Variants in TVP23C observed in about 807,000 individuals in gnomAD.
The protein encoded by TVP23C is Golgi apparatus membrane protein TVP23 homolog C.
TVP23C carries 19 observed loss-of-function variants against 28.7 expected under a neutral mutation model. That is an observed-to-expected ratio of 0.66 (90% CI 0.46 to 0.97). TVP23C has a LOEUF of 0.97. Ranked by LOEUF, TVP23C falls within the 50% of genes least tolerant of loss-of-function variation. The probability of loss-of-function intolerance (pLI) is 0.00; values close to 1 mark genes in which losing one functional copy is unlikely to be tolerated. For synonymous variants in TVP23C, 68 were observed against 81.7 expected (o/e 0.83, Z 0.90); for missense variants, 186 against 241.3 (o/e 0.77, Z 1.52).
At chr17:15,502,580 G>T in exon 6 of TVP23C, 1 of 396,576 alleles carries the variant, frequency 2.5e-6, no homozygotes, top group Non-Finnish European at 4.4e-6. Flanking sequence ...GGGCCGCATG[G>T]CCCTGCCCCA....
downstream of TVP23C, among the ~76,000 whole-genome samples, chr17:15,536,247 C>A (rs534535975): frequency 8.5e-5 from 13 of 152,252 alleles, no homozygotes; most frequent in South Asian, 2.5e-3. Context: ...AGATGGGATT[C>A]AGACAGTATC....
chr17:15,548,882 A>C (rs138695314), intron 3 of TVP23C, among the ~76,000 whole-genome samples: 1 of 152,210 alleles, frequency 6.6e-6, no homozygotes, highest in Non-Finnish European at 1.5e-5. Context: ...AAATAAAAAT[A>C]GAACAATTAT....
chr17:15,506,343 G>C (rs553344322), intron 5 of TVP23C, among the ~76,000 whole-genome samples: 82 of 152,132 alleles, frequency 5.4e-4, no homozygotes, highest in African/African-American at 1.9e-3. Context: ...AGCACCCTGT[G>C]TCTAGCTCAG....
intron 5 of TVP23C, among the ~76,000 whole-genome samples, chr17:15,543,005 C>G (rs2150850547): frequency 6.6e-6 from 1 of 152,276 alleles, no homozygotes; most frequent in South Asian, 2.1e-4. Context: ...AAAGACTGGG[C>G]TCACTCTCTT....
At chr17:15,502,732 T>TTC (rs1567627239) in exon 6 of TVP23C, 7 of 827,088 alleles carry the variant, frequency 8.5e-6, no homozygotes, top group African/African-American at 2.2e-5. Context: ...CTCTCTCTCT[T>TTC]TCTCTCTCCT....
At chr17:15,536,718 T>C (rs1295455831), downstream of TVP23C, among the ~76,000 whole-genome samples, 1 of 151,122 alleles carries the variant, frequency 6.6e-6, no homozygotes, top group Admixed American at 6.6e-5. Flanking sequence ...AAAATGTCTT[T>C]AGTGCAGTAT....
chr17:15,507,283 T>C (rs1361642572), intron 5 of TVP23C: 25 of 751,110 alleles, frequency 3.3e-5, no homozygotes, highest in Admixed American at 1.4e-4. Context: ...GTGAAGCCCA[T>C]GGAGCGCTTT....
chr17:15,512,662 A>C (rs1384755807), intron 5 of TVP23C, among the ~76,000 whole-genome samples: 1 of 152,204 alleles, frequency 6.6e-6, no homozygotes, highest in Non-Finnish European at 1.5e-5. Flanking sequence ...CATCATATAT[A>C]TATATGTAAA....
chr17:15,503,424 G>A lies in TVP23C; in HGVS notation c.463-192C>T, dbSNP rs148226241. ...TGATATTTCAAGAAAAGTCCTTGAG[G>A]CAAAAGGTGACCTGCTTTAGAACGC... On this transcript the variant is annotated intron_variant, in intron 5 of 5. Coordinates refer to the TVP23C transcript ENST00000225576. 34 of 655,386 alleles carry A rather than the reference G, an allele frequency of 5.2e-5. No individual in the cohort carries two copies. The East Asian group carries it at 8.9e-4, about 17-fold the overall frequency. The allele number at this position is 655,386 out of a possible 1,614,324, so 40.6% of individuals were successfully genotyped here.
chr17:15,508,713 G>A (rs1567629680), intron 5 of TVP23C, among the ~76,000 whole-genome samples: 1 of 152,218 alleles, frequency 6.6e-6, no homozygotes, highest in Non-Finnish European at 1.5e-5. Flanking sequence ...TTACAAACGA[G>A]CATGGGCCAA....
intron 5 of TVP23C, among the ~76,000 whole-genome samples, chr17:15,523,004 A>G (rs1289968391): frequency 1.3e-5 from 2 of 152,102 alleles, no homozygotes; most frequent in Non-Finnish European, 2.9e-5. Flanking sequence ...GTGAAGTTAT[A>G]GAGCAGAATT....
At chr17:15,541,575 G>A (rs1341825806) in intron 5 of TVP23C, among the ~76,000 whole-genome samples, 20 of 151,884 alleles carry the variant, frequency 1.3e-4, no homozygotes, top group African/African-American at 3.6e-4. Flanking sequence ...ATGAAATGTC[G>A]TTTTCCAATC....
intron 5 of TVP23C, among the ~76,000 whole-genome samples, chr17:15,505,020 G>A (rs140040112): frequency 6.6e-6 from 1 of 152,140 alleles, no homozygotes; most frequent in African/African-American, 2.4e-5. Flanking sequence ...GCACAGCCCA[G>A]GCCACACAGA....
At position 15,537,420 on chromosome 17, in the gene TVP23C, A is replaced by G. The variant is rs918102593; in HGVS notation, c.*2992T>C. 5 of 985,262 alleles carry G rather than the reference A, an allele frequency of 5.1e-6. No homozygotes were observed. The highest frequency in any genetic ancestry group is 1.7e-5 in the African/African-American group (1 of 57,248). 61.0% of individuals were successfully genotyped at this position (985,262 alleles called of 1,614,324 possible). On this transcript the variant is annotated 3_prime_UTR_variant, in exon 6 of 6. Coordinates refer to ENST00000518321, the MANE Select transcript of TVP23C (RefSeq NM_001135036.2). ...CTCAAGGTCCACTGAAGAACTTTCA[A>G]TCTAGCTATCCTTTCTGTAAAATAA... is the stretch of plus-strand genomic sequence containing the variant.
chr17:15,508,131 C>A (rs1157710570), intron 5 of TVP23C, among the ~76,000 whole-genome samples: 1 of 152,188 alleles, frequency 6.6e-6, no homozygotes, highest in Non-Finnish European at 1.5e-5. Context: ...AGAGGCCAAG[C>A]TGCATATGCG....
intron 5 of TVP23C, among the ~76,000 whole-genome samples, chr17:15,512,891 C>G (rs1982061755): frequency 6.6e-6 from 1 of 152,194 alleles, no homozygotes; most frequent in Non-Finnish European, 1.5e-5. Flanking sequence ...TGGAGTCCCC[C>G]TGCTTGGGAA....
At chr17:15,536,202 A>G (rs1983148841), downstream of TVP23C, among the ~76,000 whole-genome samples, 1 of 152,126 alleles carries the variant, frequency 6.6e-6, no homozygotes, top group African/African-American at 2.4e-5. Context: ...AAAAAAAAAA[A>G]TTCAGACAAG....
At position 15,538,585 on chromosome 17, in the gene TVP23C, T is replaced by A. The variant is rs1983263853; in HGVS notation, c.*1827A>T. On this transcript the variant is annotated 3_prime_UTR_variant, in exon 6 of 6. Transcript: ENST00000518321. ...AGCCTGGGCAAACAGAGTGAGACTC[T>A]GTCTCAAAAAAAATAAATAAATAAA... 46 of 979,004 alleles carry A rather than the reference T, an allele frequency of 4.7e-5. No homozygotes were observed. The highest frequency in any genetic ancestry group is 5.5e-5 in the Non-Finnish European group (45 of 824,582). The allele number at this position is 979,004 out of a possible 1,614,324, so 60.6% of individuals were successfully genotyped here. A position where few individuals can be genotyped will look rare whatever the true frequency, so the allele number is the denominator to read the frequency against.
chr17:15,536,188 T>C (rs2150845401), downstream of TVP23C, among the ~76,000 whole-genome samples: 1 of 152,054 alleles, frequency 6.6e-6, no homozygotes, highest in East Asian at 1.9e-4. Flanking sequence ...AAAAACTCTG[T>C]TTCAAAAAAA....
Sources: gnomAD v4.1 joint callset for allele counts (sites outside exome capture counted in the v4.1 genomes callset) on GRCh38, gnomAD v4.1.1 for gene constraint, MANE v1.5 for transcripts, NCBI Gene and HGNC (gene_info 2026-07-23, HGNC 2026-07-21) for gene names.